The following PRKG1 variants were observed in gnomAD, a reference collection of about 807,000 sequenced individuals.
PRKG1 encodes the protein cGMP-dependent protein kinase 1.
Under a neutral mutation model 88.1 loss-of-function variants are expected in PRKG1, and 35 were observed. That is an observed-to-expected ratio of 0.40 (90% CI 0.30 to 0.53). PRKG1 has a LOEUF of 0.53. Ranked by LOEUF, PRKG1 falls within the 20% of genes least tolerant of loss-of-function variation. PRKG1 has a pLI of 0.59. For missense variants in PRKG1, 540 were observed against 839.8 expected (o/e 0.64, Z 4.41); for synonymous variants, 303 against 292.5 (o/e 1.04, Z -0.37).
At chr10:51,326,257 G>T (rs1841590171) in intron 2 of PRKG1, among the ~76,000 whole-genome samples, 1 of 152,208 alleles carries the variant, frequency 6.6e-6, no homozygotes, top group African/African-American at 2.4e-5. Context: ...AAGACTGGAA[G>T]AAGTTTAAAT....
chr10:51,328,080 C>T (rs1243971530), intron 2 of PRKG1, among the ~76,000 whole-genome samples: 1 of 152,164 alleles, frequency 6.6e-6, no homozygotes, highest in Non-Finnish European at 1.5e-5. Flanking sequence ...ATTCCTCCTA[C>T]ATTACTGAAA....
At chr10:52,209,983 G>A (rs1306133294) in intron 9 of PRKG1, among the ~76,000 whole-genome samples, 1 of 152,094 alleles carries the variant, frequency 6.6e-6, no homozygotes, top group Non-Finnish European at 1.5e-5. Flanking sequence ...TGCAATCTTA[G>A]CCAAGTTAAT....
intron 6 of PRKG1, 117 bp downstream of exon 6, chr10:52,054,678 CAGAG>C: frequency 1.2e-6 from 1 of 813,294 alleles, no homozygotes; most frequent in South Asian, 1.8e-5. Context: ...TTTTTTGACA[CAGAG>C]AGGTATTAGA....
chr10:51,600,810 T>C (rs1295024353), intron 3 of PRKG1, among the ~76,000 whole-genome samples: 2 of 152,132 alleles, frequency 1.3e-5, no homozygotes, highest in Admixed American at 1.3e-4. Context: ...TCAATCAAAT[T>C]TAGTCATACA....
chr10:52,109,787 G>T (rs553302993), intron 7 of PRKG1, among the ~76,000 whole-genome samples: 1 of 150,356 alleles, frequency 6.7e-6, no homozygotes, highest in South Asian at 2.1e-4. Flanking sequence ...TCTCAAAAAT[G>T]ACTTTATGTG....
At chr10:51,629,873 C>A (rs960542249) in intron 3 of PRKG1, among the ~76,000 whole-genome samples, 62 of 152,256 alleles carry the variant, frequency 4.1e-4, no homozygotes, top group South Asian at 6.2e-4. Context: ...AGAAAGAAGG[C>A]CCTGGCTCCA....
At chr10:52,111,285 C>T (rs1268995644) in intron 7 of PRKG1, among the ~76,000 whole-genome samples, 3 of 152,216 alleles carry the variant, frequency 2.0e-5, no homozygotes, top group African/African-American at 4.8e-5. Flanking sequence ...CTATGTACAG[C>T]ACATGGCACA....
chr10:51,296,239 G>A (rs1013145953), intron 2 of PRKG1, among the ~76,000 whole-genome samples: 3 of 151,596 alleles, frequency 2.0e-5, no homozygotes, highest in Non-Finnish European at 4.4e-5. Flanking sequence ...AAGAGTTAAA[G>A]AAGGATTGTT....
chr10:51,707,743 G>A (rs1014296464), intron 3 of PRKG1, among the ~76,000 whole-genome samples: 4 of 152,114 alleles, frequency 2.6e-5, no homozygotes, highest in African/African-American at 9.7e-5. Context: ...ACAGGAAAGA[G>A]GCCTTTCTGA....
chr10:51,132,145 A>G (rs375850357), intron 1 of PRKG1, among the ~76,000 whole-genome samples: 1 of 152,142 alleles, frequency 6.6e-6, no homozygotes, highest in Non-Finnish European at 1.5e-5. Context: ...TCTTGCATAG[A>G]GAGATATCAG....
intron 3 of PRKG1, among the ~76,000 whole-genome samples, chr10:51,616,206 G>A (rs1406170587): frequency 6.6e-6 from 1 of 152,220 alleles, no homozygotes; most frequent in Non-Finnish European, 1.5e-5. Context: ...GGCAGTGATT[G>A]GCTGAGTATA....
At chr10:51,108,547 G>T (rs1303265407) in intron 1 of PRKG1, among the ~76,000 whole-genome samples, 2 of 152,088 alleles carry the variant, frequency 1.3e-5, no homozygotes, top group African/African-American at 4.8e-5. Context: ...CATCTCCATT[G>T]GCACAGAAAA....
chr10:51,151,130 CA>C (rs56202198), intron 1 of PRKG1, among the ~76,000 whole-genome samples: 107,978 of 119,952 alleles, frequency 0.9, 48,140 homozygotes, highest in South Asian at 0.93. Flanking sequence ...CACTCTCTGA[CA>C]AAAAAAAAAA....
At chr10:51,875,898 G>A (rs529901589) in intron 4 of PRKG1, among the ~76,000 whole-genome samples, 1 of 151,618 alleles carries the variant, frequency 6.6e-6, no homozygotes, top group East Asian at 1.9e-4. Context: ...TATCTAGAGA[G>A]TTATTCTGTC....
intron 5 of PRKG1, among the ~76,000 whole-genome samples, chr10:51,997,722 A>T (rs1429044802): frequency 1.3e-5 from 2 of 152,224 alleles, no homozygotes; most frequent in Non-Finnish European, 1.5e-5. Flanking sequence ...AAATTCTAGT[A>T]ATTTGTTGGT....
intron 5 of PRKG1, among the ~76,000 whole-genome samples, chr10:52,026,792 C>T (rs1845350738): frequency 6.6e-6 from 1 of 152,044 alleles, no homozygotes; most frequent in African/African-American, 2.4e-5. Context: ...CTGGCTAACA[C>T]GGGGAAACCC....
At chr10:52,094,752 A>C (rs1429805569) in intron 7 of PRKG1, among the ~76,000 whole-genome samples, 2 of 152,114 alleles carry the variant, frequency 1.3e-5, no homozygotes, top group African/African-American at 4.8e-5. Context: ...GCATCTGCAC[A>C]AGCTCTCTTG....
intron 7 of PRKG1, among the ~76,000 whole-genome samples, chr10:52,120,882 G>C (rs1378478622): frequency 6.6e-6 from 1 of 152,178 alleles, no homozygotes; most frequent in African/African-American, 2.4e-5. Context: ...GTGGCTCTCT[G>C]TGGTGATTCT....
At chr10:51,902,598 A>G (rs2132936033) in intron 4 of PRKG1, among the ~76,000 whole-genome samples, 1 of 152,316 alleles carries the variant, frequency 6.6e-6, no homozygotes, top group African/African-American at 2.4e-5. Flanking sequence ...AAGGATTTCA[A>G]AAGAATGACC....
Sources: gnomAD v4.1 joint callset for allele counts (sites outside exome capture counted in the v4.1 genomes callset) on GRCh38, gnomAD v4.1.1 for gene constraint, MANE v1.5 for transcripts, NCBI Gene and HGNC (gene_info 2026-07-23, HGNC 2026-07-21) for gene names.